The following PML variants were observed in gnomAD, a reference collection of about 807,000 sequenced individuals.
PML encodes PML nuclear body scaffold, also known as protein PML.
A neutral mutation model predicts 65.2 loss-of-function variants in PML; 28 were observed. That is an observed-to-expected ratio of 0.43 (90% CI 0.32 to 0.59). The LOEUF (loss-of-function observed/expected upper bound fraction) is 0.59. PML is among the 20% of genes least tolerant of loss of function. The pLI is 0.08. For synonymous variants in PML, 500 were observed against 508.8 expected, an observed-to-expected ratio of 0.98 and a Z score of 0.23; for missense variants, 1,021 against 1,203.4, an observed-to-expected ratio of 0.85 and a Z score of 2.24.
At chr15:73,995,465 C>G (rs551773427) in intron 1 of PML, among the ~76,000 whole-genome samples, 1 of 152,198 alleles carries the variant, frequency 6.6e-6, no homozygotes, top group Non-Finnish European at 1.5e-5. Flanking sequence ...GCCTCCCCAA[C>G]GAACCCTTCT....
chr15:74,000,820 A>G (rs1232321906), intron 2 of PML, among the ~76,000 whole-genome samples: 1 of 152,228 alleles, frequency 6.6e-6, no homozygotes, highest in Non-Finnish European at 1.5e-5. Flanking sequence ...CCAACTGTAC[A>G]TATAAATTGT....
At position 74,045,017 on chromosome 15, in the gene PML, G is replaced by A. The variant is rs553436075; in HGVS notation, c.*9G>A. 1 of 1,589,794 alleles carries A rather than the reference G, an allele frequency of 6.3e-7. No homozygotes were observed. Among genetic ancestry groups the A allele is most frequent in the African/African-American group, 1.3e-5 (1 of 74,634 alleles). ...CCTCCCAGCAGAGCTGAGAGGAGGG[G>A]GTGACCAGCTTGGAGTCTCTGGTGG... On this transcript the variant is annotated 3_prime_UTR_variant, in exon 9 of 9. Transcript: ENST00000268058.
intron 4 of PML, among the ~76,000 whole-genome samples, chr15:74,028,732 C>T (rs2071189682): frequency 6.6e-6 from 1 of 152,218 alleles, no homozygotes; most frequent in Non-Finnish European, 1.5e-5. Context: ...CTAGGTACCT[C>T]CTATAAGTGG....
chr15:74,009,745 G>C (rs1451070492), intron 2 of PML, among the ~76,000 whole-genome samples: 1 of 152,028 alleles, frequency 6.6e-6, no homozygotes, highest in Middle Eastern at 3.2e-3. Flanking sequence ...CTAGTTTGTA[G>C]AGACGAGTTT....
chr15:74,037,430 T>A lies in PML; in HGVS notation c.1710+2900T>A. ...GCCTCACTCCTCCTCCTCATCTCTCTTGCATCTTCTAATGTATCCACTGCC... is the reference window on the plus strand; with the variant it reads ...GCCTCACTCCTCCTCCTCATCTCTCATGCATCTTCTAATGTATCCACTGCC... On this transcript the variant is annotated intron_variant, in intron 7 of 8. Coordinates refer to ENST00000268058, the MANE Select transcript of PML (RefSeq NM_033238.3). The surrounding 1 kb of genome is among the most constrained non-coding windows in gnomAD (Gnocchi z 4.2). 7.1e-6 allele frequency: 7 copies of A among 985,364 alleles called. No individual in the cohort carries two copies. Among genetic ancestry groups the A allele is most frequent in the Non-Finnish European group, 8.4e-6 (7 of 829,896 alleles). The allele number at this position is 985,364 out of a possible 1,614,324, so 61.0% of individuals were successfully genotyped here.
intron 4 of PML, chr15:74,031,387 C>T (rs2071316658): frequency 3.2e-6 from 1 of 315,370 alleles, no homozygotes; most frequent in Non-Finnish European, 6.3e-6. Context: ...GATTCTCATG[C>T]CTCAGCCTCC....
chr15:74,019,874 C>G (rs1173080052), intron 2 of PML, among the ~76,000 whole-genome samples: 1 of 152,196 alleles, frequency 6.6e-6, no homozygotes, highest in Admixed American at 6.5e-5. Flanking sequence ...TGGCTTACAG[C>G]TACATAGTAT....
chr15:74,044,910 GA>G lies in PML; in HGVS notation c.2553del (p.Gly852AlafsTer36), dbSNP rs1259598227. ...CCTGCAGGCTCTGGGCACCTACTTTGAAGGCCTGTTGGAGGGTCCGGCGCTG... is the reference window on the plus strand; with the variant it reads ...CCTGCAGGCTCTGGGCACCTACTTTGAGGCCTGTTGGAGGGTCCGGCGCTG... ...FNLQALGTYF[E>X]GLLEGPALAR... On this transcript the variant is annotated frameshift_variant, in exon 9 of 9. Transcript: ENST00000268058. LOFTEE classifies it low-confidence loss of function (END_TRUNC). The G allele has an allele frequency of 6.2e-7, 1 of 1,613,564 alleles. No homozygotes were observed. Among genetic ancestry groups the G allele is most frequent in the Non-Finnish European group, 8.5e-7 (1 of 1,180,032 alleles).
intron 2 of PML, among the ~76,000 whole-genome samples, chr15:74,020,410 C>T (rs531827602): frequency 4.6e-5 from 7 of 151,358 alleles, no homozygotes; most frequent in Non-Finnish European, 8.8e-5. Context: ...CCACCTCAGC[C>T]TCCCAAGTAG....
At chr15:74,016,096 G>A (rs1358629249) in intron 2 of PML, among the ~76,000 whole-genome samples, 5 of 152,102 alleles carry the variant, frequency 3.3e-5, no homozygotes, top group Admixed American at 2.0e-4. Context: ...GGCCAACATG[G>A]TGAAACCCTG....
intron 2 of PML, among the ~76,000 whole-genome samples, chr15:74,020,599 C>T (rs1240741218): frequency 1.3e-5 from 2 of 152,068 alleles, no homozygotes; most frequent in Non-Finnish European, 2.9e-5. Flanking sequence ...TATTTTCTTT[C>T]GCTGCTGTAA....
chr15:74,029,388 C>T (rs977053915), intron 4 of PML, among the ~76,000 whole-genome samples: 6 of 152,064 alleles, frequency 3.9e-5, no homozygotes, highest in African/African-American at 9.7e-5. Context: ...CTTTGGGAGG[C>T]GGAGGCAAGT....
chr15:74,022,239 G>T (rs919757177), intron 2 of PML, among the ~76,000 whole-genome samples: 2 of 152,210 alleles, frequency 1.3e-5, no homozygotes, highest in Non-Finnish European at 2.9e-5. Flanking sequence ...TTACAGGCGT[G>T]AGCCACCGCG....
At chr15:74,018,786 T>G (rs1299831639) in intron 2 of PML, among the ~76,000 whole-genome samples, 3 of 152,254 alleles carry the variant, frequency 2.0e-5, no homozygotes, top group Non-Finnish European at 4.4e-5. Context: ...GAGCAATTTC[T>G]TATTAAGTTA....
At position 73,994,937 on chromosome 15, in the gene PML, C is replaced by A; in HGVS notation, c.125C>A (p.Thr42Lys). The change falls in exon 1 of 9, where the codon ACA (threonine) becomes AAA (lysine). Residue 42 changes from threonine (T) to lysine (K), a missense_variant. Transcript: ENST00000268058. ...CAGCCCAGCCCCAGCCCCAGCCCTA[C>A]AGAGGTACTATTGGGTTAGGGGATG... ...GRQPSPSPSP[T>K]ERAPASEEEF... The A allele has an allele frequency of 1.3e-6, 2 of 1,542,486 alleles. No homozygotes were observed. The highest frequency in any genetic ancestry group is 1.8e-6 in the Non-Finnish European group (2 of 1,142,770).
At chr15:74,015,138 C>T (rs547600547) in intron 2 of PML, among the ~76,000 whole-genome samples, 6 of 152,302 alleles carry the variant, frequency 3.9e-5, no homozygotes, top group African/African-American at 1.4e-4. Flanking sequence ...TCAGGCTTTC[C>T]CCTCTCCAAC....
At chr15:74,013,689 T>C (rs993818876) in intron 2 of PML, among the ~76,000 whole-genome samples, 3 of 152,266 alleles carry the variant, frequency 2.0e-5, no homozygotes, top group Non-Finnish European at 4.4e-5. Context: ...ATGTTATTTT[T>C]ACCTTACTCA....
In PML at chr15:74,044,339, G is replaced by A. The variant is rs765410151; in HGVS notation, c.1980G>A (p.Gln660=). The A allele has an allele frequency of 1.2e-6, 2 of 1,614,204 alleles. No individual in the cohort carries two copies. Among genetic ancestry groups the A allele is most frequent in the South Asian group, 2.2e-5 (2 of 91,088 alleles). Residue 660 remains glutamine, a synonymous_variant, in exon 9 of 9, where the codon CAG becomes CAA. Coordinates refer to ENST00000268058, the MANE Select transcript of PML (RefSeq NM_033238.3). ...CCGTGTCCCTGGAGGTGGGGCTGCA[G>A]CACTTCCTCAGCTTTCTGAGCTCCA... ...SKAVSLEVGL[Q]HFLSFLSSMR...
rs761356725 is a variant in PML at position 74,033,364 on chromosome 15, A to C, written c.1607A>C (p.Glu536Ala). ...PSPRSPVIGS[E>A]VFLPNSNHVA... ...CCCAGGAGCCCCGTCATAGGAAGTG[A>C]GGTCTTCCTGCCCAACAGCAACCAC... The change falls in exon 6 of 9, where the codon GAG becomes GCG. Residue 536 changes from glutamate to alanine, a missense_variant. Coordinates refer to ENST00000268058, the MANE Select transcript of PML (RefSeq NM_033238.3). 1.9e-6 allele frequency: 3 copies of C among 1,613,554 alleles called. No individual in the cohort carries two copies. In the South Asian group the frequency reaches 3.3e-5, roughly 18 times the overall value.
Sources: allele counts gnomAD v4.1 joint callset (sites outside exome capture counted in the v4.1 genomes callset), GRCh38; gene constraint gnomAD v4.1.1; non-coding constraint Gnocchi (gnomAD v3.1); transcripts MANE v1.5; gene names NCBI Gene and HGNC (gene_info 2026-07-23, HGNC 2026-07-21).